The following CHN1 variants were observed in gnomAD, a reference collection of about 807,000 sequenced individuals.
CHN1 encodes the protein N-chimaerin.
In CHN1, 37 loss-of-function variants were observed where a neutral mutation model predicts 59.5. The observed-to-expected ratio is 0.62, with a 90% CI of 0.48 to 0.82. The LOEUF is 0.82. Among genes scored for constraint, CHN1 ranks in the 40% least tolerant of loss-of-function variants. The pLI, the probability that CHN1 is intolerant of heterozygous loss-of-function variation, is 0.00. For synonymous variants in CHN1, 206 were observed against 200.4 expected, an observed-to-expected ratio of 1.03 and a Z score of -0.24; for missense variants, 469 against 571.0, an observed-to-expected ratio of 0.82 and a Z score of 1.82.
At chr2:174,991,266 A>G (rs748608054) in intron 1 of CHN1, among the ~76,000 whole-genome samples, 16 of 152,348 alleles carry the variant, frequency 1.1e-4, no homozygotes, top group Non-Finnish European at 2.4e-4. Flanking sequence ...CTAACAGCCT[A>G]GAAAAGTCTA....
chr2:174,813,495 A>G (rs1021630371), intron 8 of CHN1, among the ~76,000 whole-genome samples: 1 of 152,230 alleles, frequency 6.6e-6, no homozygotes, highest in Non-Finnish European at 1.5e-5. Context: ...TTACTTGGTT[A>G]TAACTTCTAA....
chr2:174,956,355 A>G (rs944099000), intron 1 of CHN1, among the ~76,000 whole-genome samples: 2 of 152,216 alleles, frequency 1.3e-5, no homozygotes, highest in Admixed American at 6.5e-5. Flanking sequence ...AAATTCTTCA[A>G]AAACAGAGGG....
intron 1 of CHN1, among the ~76,000 whole-genome samples, chr2:174,997,426 AG>A (rs561074380): frequency 1.0e-3 from 154 of 152,336 alleles, no homozygotes; most frequent in African/African-American, 3.4e-3. Context: ...TACTACTTTA[AG>A]ACTGTTCATC....
chr2:174,805,995 A>C (rs1482075902), intron 11 of CHN1, among the ~76,000 whole-genome samples: 1 of 152,182 alleles, frequency 6.6e-6, no homozygotes, highest in South Asian at 2.1e-4. Flanking sequence ...TTCTCCCCTC[A>C]TTACCACAGG....
intron 6 of CHN1, among the ~76,000 whole-genome samples, chr2:174,868,807 A>G (rs920791992): frequency 6.6e-6 from 1 of 152,236 alleles, no homozygotes; most frequent in Non-Finnish European, 1.5e-5. Flanking sequence ...AAGGAGCATA[A>G]GGAGAGAAAT....
intron 5 of CHN1, among the ~76,000 whole-genome samples, chr2:174,914,275 AG>A (rs1238565988): frequency 6.6e-6 from 1 of 152,306 alleles, no homozygotes; most frequent in East Asian, 1.9e-4. Flanking sequence ...TTATTATTGC[AG>A]GGTTAGCAGG....
intron 3 of CHN1, among the ~76,000 whole-genome samples, chr2:174,930,918 AC>A (rs1313729053): frequency 6.6e-6 from 1 of 151,984 alleles, no homozygotes; most frequent in Non-Finnish European, 1.5e-5. Flanking sequence ...GGCATGCACC[AC>A]CTACGCCAGG....
chr2:174,987,406 C>CTTTTTTTTTTT (rs893724969), intron 1 of CHN1, among the ~76,000 whole-genome samples: 1 of 140,786 alleles, frequency 7.1e-6, no homozygotes, highest in Non-Finnish European at 1.6e-5. Context: ...ACTCTTTTTT[C>CTTTTTTTTTTT]TTTTTTTTTT....
At chr2:174,990,017 T>C (rs1381927473) in intron 1 of CHN1, among the ~76,000 whole-genome samples, 1 of 152,136 alleles carries the variant, frequency 6.6e-6, no homozygotes, top group East Asian at 1.9e-4. Flanking sequence ...GTTTAAAAAT[T>C]GTCATATGCC....
intron 1 of CHN1, among the ~76,000 whole-genome samples, chr2:174,991,141 C>A (rs1024054006): frequency 2.6e-5 from 4 of 152,168 alleles, no homozygotes; most frequent in African/African-American, 9.7e-5. Context: ...CTTCAAAACA[C>A]AAGCTAGTTT....
intron 5 of CHN1, among the ~76,000 whole-genome samples, chr2:174,902,372 A>G (rs1204512095): frequency 6.6e-6 from 1 of 152,166 alleles, no homozygotes; most frequent in African/African-American, 2.4e-5. Context: ...ATAAACTGGA[A>G]TTATTATATC....
chr2:175,004,613 A>G (rs917941721), intron 1 of CHN1, among the ~76,000 whole-genome samples: 11 of 152,320 alleles, frequency 7.2e-5, no homozygotes, highest in African/African-American at 2.6e-4. Context: ...TTGGCATCTT[A>G]GAGAATCTTT....
chr2:174,863,744 CAT>C (rs1329131717), intron 6 of CHN1, among the ~76,000 whole-genome samples: 2 of 152,200 alleles, frequency 1.3e-5, no homozygotes, highest in Admixed American at 6.5e-5. Context: ...CAGAATCACA[CAT>C]GTGATATAGA....
chr2:174,994,934 C>G (rs1691658969), intron 1 of CHN1, among the ~76,000 whole-genome samples: 1 of 152,112 alleles, frequency 6.6e-6, no homozygotes. Context: ...AAATTGTAAA[C>G]TAACCAATTT....
At chr2:174,808,505 G>C (rs1364435189) in intron 11 of CHN1, among the ~76,000 whole-genome samples, 1 of 147,626 alleles carries the variant, frequency 6.8e-6, no homozygotes, top group East Asian at 2.0e-4. Context: ...GGCTGGTCTT[G>C]CACTCCTGAC....
intron 5 of CHN1, among the ~76,000 whole-genome samples, chr2:174,902,171 C>T (rs1455170854): frequency 2.0e-5 from 3 of 152,044 alleles, no homozygotes; most frequent in Non-Finnish European, 4.4e-5. Context: ...GGAAAAAATG[C>T]TAATCTTTTT....
chr2:174,888,357 G>A (rs1408548188), intron 5 of CHN1, among the ~76,000 whole-genome samples: 1 of 152,120 alleles, frequency 6.6e-6, no homozygotes, highest in Admixed American at 6.5e-5. Flanking sequence ...AGCAGATGGG[G>A]AACAAGAGGA....
chr2:174,874,895 C>T (rs1424779400), intron 6 of CHN1, among the ~76,000 whole-genome samples: 20 of 94,684 alleles, frequency 2.1e-4, no homozygotes, highest in African/African-American at 7.2e-4. Context: ...TTTTTTGAGA[C>T]GAAGTTTCAC....
At chr2:174,997,228 C>A (rs1559016006) in intron 1 of CHN1, among the ~76,000 whole-genome samples, 1 of 152,192 alleles carries the variant, frequency 6.6e-6, no homozygotes. Flanking sequence ...AGTTTCTACA[C>A]CCTTCTCTCA....
Sources: allele counts gnomAD v4.1 joint callset (sites outside exome capture counted in the v4.1 genomes callset), GRCh38; gene constraint gnomAD v4.1.1; transcripts MANE v1.5; gene names NCBI Gene and HGNC (gene_info 2026-07-23, HGNC 2026-07-21).